Variants in SYT16 observed in about 807,000 individuals in gnomAD.
SYT16 encodes synaptotagmin 16.
SYT16 carries 42 observed loss-of-function variants against 61.4 expected under a neutral mutation model. The ratio of observed to expected loss-of-function variants is 0.68; its 90% CI spans 0.53 to 0.89. The LOEUF is 0.89. SYT16 is among the 40% of genes least tolerant of loss of function. The probability of loss-of-function intolerance (pLI) is 0.00; values close to 1 mark genes in which losing one functional copy is unlikely to be tolerated. For missense variants in SYT16, 804 were observed against 807.3 expected (o/e 1.00, Z 0.05); for synonymous variants, 314 against 302.3 (o/e 1.04, Z -0.40).
chr14:61,900,875 A>G lies in SYT16; in HGVS notation c.-324-69257A>G, dbSNP rs565247762. Among the ~76,000 whole-genome samples the G allele has an allele frequency of 1.5e-3, 227 of 152,330 alleles. 1 individual carries two copies. The highest frequency in any genetic ancestry group is 1.9e-3 in the Non-Finnish European group (127 of 68,026). On this transcript the variant is annotated intron_variant, in intron 1 of 7. Transcript: ENST00000683842. ...CAAAGACATCCAATGGAGAAGAGGAAACTCCTCAAGGAAATAGGTGTGTGG... is the reference window on the plus strand; with the variant it reads ...CAAAGACATCCAATGGAGAAGAGGAGACTCCTCAAGGAAATAGGTGTGTGG...
Position 61,826,946 on chromosome 14 carries a change from G to C in SYT16, c.-325+14136G>C, listed in dbSNP as rs2045790170. Reference sequence around the variant, plus strand: ...TCCTTACCAGGGTGGAGGAGAGAAAGCTCTCGTGTTTTTTCCACTCTGCGG... The same window carrying C: ...TCCTTACCAGGGTGGAGGAGAGAAACCTCTCGTGTTTTTTCCACTCTGCGG... On this transcript the variant is annotated intron_variant, in intron 1 of 7. Transcript: ENST00000683842. Among the ~76,000 whole-genome samples the C allele has an allele frequency of 2.0e-5, 3 of 152,024 alleles. No individual in the cohort carries two copies. In the South Asian group the frequency reaches 6.2e-4, roughly 32 times the overall value.
intron 1 of SYT16, among the ~76,000 whole-genome samples, chr14:61,849,931 A>G (rs984438131): frequency 1.3e-5 from 2 of 151,956 alleles, no homozygotes; most frequent in African/African-American, 4.8e-5. Flanking sequence ...TTTTGATATG[A>G]TGATTTATTT....
At position 62,102,579 on chromosome 14, in the gene SYT16, T is replaced by C. The variant is rs1366466442; in HGVS notation, c.*1872T>C. 2 of 152,150 alleles carry C rather than the reference T, an allele frequency of 1.3e-5. No individual in the cohort carries two copies. Among genetic ancestry groups the C allele is most frequent in the African/African-American group, 4.8e-5 (2 of 41,426 alleles). 9.4% of individuals were successfully genotyped at this position (152,150 alleles called of 1,614,324 possible). Reference sequence around the variant, plus strand: ...GGCTAAGTCATTGAGTAGAACTGAGTGCGATTGATTAAGTAGCAGCACAAA... The same window carrying C: ...GGCTAAGTCATTGAGTAGAACTGAGCGCGATTGATTAAGTAGCAGCACAAA... On this transcript the variant is annotated 3_prime_UTR_variant, in exon 8 of 8. Transcript: ENST00000683842.
At chr14:61,820,568 G>A (rs919991621) in intron 1 of SYT16, among the ~76,000 whole-genome samples, 1 of 122,986 alleles carries the variant, frequency 8.1e-6, no homozygotes, top group Non-Finnish European at 1.6e-5. Flanking sequence ...TGCAACCTCC[G>A]CCTCCTGGGT....
At chr14:61,869,509 A>G (rs757085754) in intron 1 of SYT16, among the ~76,000 whole-genome samples, 6 of 152,200 alleles carry the variant, frequency 3.9e-5, no homozygotes, top group Non-Finnish European at 5.9e-5. Context: ...TGATTTCCAC[A>G]TATTTTAAGA....
chr14:61,899,092 T>C (rs1196849409), intron 1 of SYT16, among the ~76,000 whole-genome samples: 2 of 152,266 alleles, frequency 1.3e-5, no homozygotes, highest in African/African-American at 2.4e-5. Flanking sequence ...ATTCTGCATA[T>C]GATTTTCATG....
rs1314650254 is a variant in SYT16, at chr14:62,080,739, AG to A, written c.994-92del. On this transcript the variant is annotated intron_variant, in intron 5 of 7. Coordinates refer to ENST00000683842, the MANE Select transcript of SYT16 (RefSeq NM_001367656.1). ...GGGAATACACTGGCAGTTAGAAAGC[AG>A]GGATTCTGAAGGAGCACAAAGGGGC... The A allele has an allele frequency of 8.1e-6, 10 of 1,229,932 alleles. No homozygotes were observed. The African/African-American group carries it at 9.0e-5, about 11-fold the overall frequency. The allele number at this position is 1,229,932 out of a possible 1,614,324, so 76.2% of individuals were successfully genotyped here.
intron 1 of SYT16, among the ~76,000 whole-genome samples, chr14:61,957,333 A>G (rs1037577026): frequency 4.0e-5 from 6 of 151,884 alleles, no homozygotes; most frequent in Non-Finnish European, 7.4e-5. Context: ...TTTTCTGGTT[A>G]GGACTTTCAG....
chr14:61,839,698 T>A (rs1313042757), intron 1 of SYT16, among the ~76,000 whole-genome samples: 1 of 152,204 alleles, frequency 6.6e-6, no homozygotes, highest in Non-Finnish European at 1.5e-5. Flanking sequence ...CCAATCACAT[T>A]TGACCTCATT....
At chr14:62,007,282 T>G (rs1318137403) in intron 3 of SYT16, among the ~76,000 whole-genome samples, 1 of 152,184 alleles carries the variant, frequency 6.6e-6, no homozygotes, top group Non-Finnish European at 1.5e-5. Context: ...TTCCATTGCA[T>G]AAGTGCTTTC....
At chr14:61,888,148 G>T (rs1484427252) in intron 1 of SYT16, among the ~76,000 whole-genome samples, 2 of 140,198 alleles carry the variant, frequency 1.4e-5, no homozygotes, top group Admixed American at 1.5e-4. Flanking sequence ...TTTTTGAGAC[G>T]GAATCTCACT....
intron 1 of SYT16, among the ~76,000 whole-genome samples, chr14:61,817,007 T>TCACA (rs35451986): frequency 2.2e-4 from 26 of 115,788 alleles, no homozygotes; most frequent in East Asian, 9.5e-4. Flanking sequence ...TGAGGCTCCG[T>TCACA]CACACACACA....
chr14:61,923,258 C>G (rs981611161), intron 1 of SYT16, among the ~76,000 whole-genome samples: 2 of 152,132 alleles, frequency 1.3e-5, no homozygotes, highest in East Asian at 1.9e-4. Flanking sequence ...TAACAACTCT[C>G]TCTCTCTACC....
At chr14:61,944,296 C>T (rs189311831) in intron 1 of SYT16, among the ~76,000 whole-genome samples, 29 of 152,022 alleles carry the variant, frequency 1.9e-4, no homozygotes, top group African/African-American at 5.3e-4. Context: ...ATTGTGAAAA[C>T]GGCCATATTG....
chr14:61,934,038 T>C (rs1007243402), intron 1 of SYT16, among the ~76,000 whole-genome samples: 1 of 152,190 alleles, frequency 6.6e-6, no homozygotes, highest in South Asian at 2.1e-4. Flanking sequence ...CATACATTCA[T>C]GTATTACTAT....
In SYT16 at chr14:61,951,707, GTGAT is replaced by G. The variant is rs539104487; in HGVS notation, c.-324-18421_-324-18418del. Among the ~76,000 whole-genome samples, 261 of 152,052 alleles carry G rather than the reference GTGAT, an allele frequency of 1.7e-3. 3 individuals are homozygous for G. Among genetic ancestry groups the G allele is most frequent in the Non-Finnish European group, 4.1e-4 (28 of 67,994 alleles). On this transcript the variant is annotated intron_variant, in intron 1 of 7. Coordinates refer to ENST00000683842, the MANE Select transcript of SYT16 (RefSeq NM_001367656.1). ...TCAACAACCAATCCCCCAAAATAAT[GTGAT>G]TGAATATTCTCTGACATTTCAACAT...
At chr14:61,892,477 C>T (rs1298546526) in intron 1 of SYT16, among the ~76,000 whole-genome samples, 6 of 152,162 alleles carry the variant, frequency 3.9e-5, no homozygotes, top group African/African-American at 1.4e-4. Context: ...TTCCTCACCC[C>T]AGCCCTCTCA....
rs1228514290 is a variant in SYT16, at chr14:62,104,979, T to G, written c.*4272T>G. 6.6e-6 allele frequency: 1 copy of G among 152,160 alleles called. No homozygotes were observed. Among genetic ancestry groups the G allele is most frequent in the African/African-American group, 2.4e-5 (1 of 41,432 alleles). 9.4% of individuals were successfully genotyped at this position (152,160 alleles called of 1,614,324 possible). A position where few individuals can be genotyped will look rare whatever the true frequency, so the allele number is the denominator to read the frequency against. On this transcript the variant is annotated 3_prime_UTR_variant, in exon 8 of 8. Coordinates refer to ENST00000683842, the MANE Select transcript of SYT16 (RefSeq NM_001367656.1). ...ATGTGTCTTCTTTTTCTAGCAAATG[T>G]TATTATAACACTAGAGAAAAACAAA... is the stretch of plus-strand genomic sequence containing the variant.
At chr14:61,979,025 C>T (rs941723968) in intron 2 of SYT16, among the ~76,000 whole-genome samples, 1 of 152,176 alleles carries the variant, frequency 6.6e-6, no homozygotes, top group Non-Finnish European at 1.5e-5. Flanking sequence ...CTGGCTGTCC[C>T]ATCTCTGTAT....
Sources: allele counts gnomAD v4.1 joint callset (sites outside exome capture counted in the v4.1 genomes callset), GRCh38; gene constraint gnomAD v4.1.1; transcripts MANE v1.5; gene names NCBI Gene and HGNC (gene_info 2026-07-23, HGNC 2026-07-21).